The following KIF1A variants were observed in gnomAD, a reference collection of about 807,000 sequenced individuals.
KIF1A encodes kinesin family member 1A.
In KIF1A, 46 loss-of-function variants were observed where a neutral mutation model predicts 227.3. That is an observed-to-expected ratio of 0.20 (90% confidence interval 0.16 to 0.26). The LOEUF (loss-of-function observed/expected upper bound fraction) is 0.26. Among genes scored for constraint, KIF1A ranks in the 10% least tolerant of loss-of-function variants. The pLI is 1.00. For missense variants in KIF1A, 1,683 were observed against 2,485.9 expected (o/e 0.68, Z 6.87); for synonymous variants, 1,022 against 1,012.8 (o/e 1.01, Z -0.17).
At chr2:240,760,205 C>A (rs1485059513) in intron 25 of KIF1A, among the ~76,000 whole-genome samples, 1 of 152,180 alleles carries the variant, frequency 6.6e-6, no homozygotes, top group African/African-American at 2.4e-5. Context: ...AAGGGATCCA[C>A]CTCCCGGCAG....
intron 32 of KIF1A, among the ~76,000 whole-genome samples, chr2:240,744,609 G>C (rs529089241): frequency 6.6e-6 from 1 of 152,326 alleles, no homozygotes; most frequent in East Asian, 1.9e-4. Flanking sequence ...ACGCAGAGGG[G>C]GAGGGCCATG....
chr2:240,776,903 A>G (rs2052803624), intron 10 of KIF1A, among the ~76,000 whole-genome samples: 1 of 152,268 alleles, frequency 6.6e-6, no homozygotes, highest in African/African-American at 2.4e-5. Context: ...AAGGGGGTCC[A>G]GAATACTGCA....
Position 240,745,793 on chromosome 2 carries a change from C to T in KIF1A, c.3319G>A (p.Val1107Ile), listed in dbSNP as rs2048525839. Reference protein sequence around the residue: ...LGNTFTFRVTVLQASSISAEY... With the variant: ...LGNTFTFRVTILQASSISAEY... ...GCAGAGATGCTGGACGCCTGCAGGA[C>T]TGTCACACGGAAGGTGAAGGTGTTG... The change falls in exon 31 of 49, where the codon GTC (valine) becomes ATC (isoleucine). Residue 1107 changes from valine (V) to isoleucine (I), a missense_variant. By Grantham distance (29) the Val-to-Ile change is conservative (BLOSUM62 3). Transcript: ENST00000498729. 4 of 1,613,052 alleles carry T rather than the reference C, an allele frequency of 2.5e-6. No individual in the cohort carries two copies. Among genetic ancestry groups the T allele is most frequent in the South Asian group, 1.1e-5 (1 of 90,902 alleles).
At chr2:240,719,312 C>G in intron 46 of KIF1A, 114 bp from the exon 47 acceptor site, 2 of 1,236,168 alleles carry the variant, frequency 1.6e-6, no homozygotes, top group Non-Finnish European at 2.2e-6. Flanking sequence ...ACCTCCCCAG[C>G]CAGAAAGTGG....
chr2:240,794,245 A>G (rs4676366), intron 2 of KIF1A, among the ~76,000 whole-genome samples: 106,706 of 152,222 alleles, frequency 0.7, 39,074 homozygotes, highest in African/African-American at 0.91. Context: ...GATTTCTGAC[A>G]TAGCTTCCAG....
In KIF1A at chr2:240,757,227, G is replaced by A. The variant is rs999088323; in HGVS notation, c.2858+92C>T. ...CCTCGCCTGCCCTGGGAGGGCCCGG[G>A]CCAGGCCCCAGCGGTTCCTCTGTGC... is the stretch of plus-strand genomic sequence containing the variant. On this transcript the variant is annotated intron_variant, in intron 27 of 48. Coordinates refer to ENST00000498729, the MANE Select transcript of KIF1A (RefSeq NM_001244008.2). This position sits in a 1 kb window ranked among gnomAD's most constrained non-coding sequence, Gnocchi z 6.2. 2.3e-6 allele frequency: 3 copies of A among 1,326,770 alleles called. No homozygotes were observed. Among genetic ancestry groups the A allele is most frequent in the Admixed American group, 2.1e-5 (1 of 47,894 alleles). The allele number at this position is 1,326,770 out of a possible 1,614,324, so 82.2% of individuals were successfully genotyped here. A position where few individuals can be genotyped will look rare whatever the true frequency, so the allele number is the denominator to read the frequency against.
intron 24 of KIF1A, 37 bp from the exon 25 acceptor site, chr2:240,760,880 G>A: frequency 1.3e-6 from 2 of 1,577,914 alleles, no homozygotes; most frequent in Non-Finnish European, 1.7e-6. Flanking sequence ...TCAGCTCCTT[G>A]GGGGACAGGG....
intron 42 of KIF1A, 42 bp downstream of exon 42, chr2:240,723,371 T>C: frequency 2.0e-6 from 3 of 1,501,396 alleles, no homozygotes; most frequent in South Asian, 2.6e-5. Flanking sequence ...CAAAGCCACA[T>C]GGACACCACC....
chr2:240,786,214 A>T, intron 6 of KIF1A, 121 bp downstream of exon 6: 1 of 972,420 alleles, frequency 1.0e-6, no homozygotes, highest in Admixed American at 2.3e-5. Context: ...AGGAGGCCAC[A>T]CCTCCGCGGG....
At chr2:240,787,452 G>A (rs1035303130) in intron 4 of KIF1A, 136 bp from the exon 5 acceptor site, 37 of 741,302 alleles carry the variant, frequency 5.0e-5, no homozygotes, top group East Asian at 7.7e-5. Context: ...CACCACACAC[G>A]TCATGGTAAA....
Position 240,752,172 on chromosome 2 carries a change from C to T in KIF1A, c.2859-1625G>A, listed in dbSNP as rs74002912. ...CAACGCCCCCTCTGAAGATGCCCCCCGAGAAGCGAGTACCCCACACCAATG... is the reference window on the plus strand; with the variant it reads ...CAACGCCCCCTCTGAAGATGCCCCCTGAGAAGCGAGTACCCCACACCAATG... On this transcript the variant is annotated intron_variant, in intron 27 of 48. Transcript: ENST00000498729. The surrounding 1 kb of genome is among the most constrained non-coding windows in gnomAD (Gnocchi z 6.4). 9.0e-3 allele frequency among the ~76,000 whole-genome samples: 1,362 copies of T among 152,156 alleles called. 24 individuals are homozygous for T. The highest frequency in any genetic ancestry group is 0.031 in the African/African-American group (1,300 of 41,508).
intron 38 of KIF1A, among the ~76,000 whole-genome samples, chr2:240,732,821 G>A (rs1429575451): frequency 1.6e-5 from 2 of 124,818 alleles, no homozygotes; most frequent in East Asian, 2.8e-4. Flanking sequence ...GGGACGAGAC[G>A]ATGAGGGGGA....
In KIF1A at chr2:240,780,810, ACACACACACACACACAGCTC is replaced by A. The variant is rs1559522466; in HGVS notation, c.882+1760_882+1779del. Reference sequence around the variant, plus strand: ...CACACACACAGCTCCACACACACACACACACACACACACACAGCTCCACACACACACACAGCTCCACACAC... The same window carrying A: ...CACACACACAGCTCCACACACACACACACACACACACACAGCTCCACACAC... On this transcript the variant is annotated intron_variant, in intron 10 of 48. Coordinates refer to ENST00000498729, the MANE Select transcript of KIF1A (RefSeq NM_001244008.2). Among the ~76,000 whole-genome samples, 117 of 90,232 alleles carry A rather than the reference ACACACACACACACACAGCTC, an allele frequency of 1.3e-3. 1 individual carries two copies. Among genetic ancestry groups the A allele is most frequent in the Middle Eastern group, 5.7e-3 (1 of 174 alleles). The allele number at this position is 90,232 out of a possible 152,430, so 59.2% of individuals were successfully genotyped here. A position where few individuals can be genotyped will look rare whatever the true frequency, so the allele number is the denominator to read the frequency against.
Position 240,713,771 on chromosome 2 carries a change from TTGAG to T in KIF1A, c.*3589_*3592del, listed in dbSNP as rs1387244354. 1 of 152,786 alleles carries T rather than the reference TTGAG, an allele frequency of 6.5e-6. No individual in the cohort carries two copies. The highest frequency in any genetic ancestry group is 1.5e-5 in the Non-Finnish European group (1 of 68,078). The allele number at this position is 152,786 out of a possible 1,614,324, so 9.5% of individuals were successfully genotyped here. On this transcript the variant is annotated 3_prime_UTR_variant, in exon 49 of 49. Coordinates refer to ENST00000498729, the MANE Select transcript of KIF1A (RefSeq NM_001244008.2). The stretch of plus-strand genomic sequence containing the variant: ...CCACAGCAGAGCCCATGGGACTGTG[TTGAG>T]TAAGAGCCACATTTATTTCTTAATT...
At chr2:240,750,705 C>T (rs377184823) in intron 27 of KIF1A, among the ~76,000 whole-genome samples, 158 bp from the exon 28 acceptor site, 19 of 152,220 alleles carry the variant, frequency 1.2e-4, no homozygotes, top group African/African-American at 3.6e-4. Flanking sequence ...CAAGAGCGGG[C>T]GGGGACAGGC....
rs756743128 is a variant in KIF1A, at chr2:240,714,568, G to A, written c.*2796C>T. ...CTTAGCAGGAAGCAGCAGCCACCCTGGGCCTGGCTGTCTCCCAAGCACCGC... is the reference window on the plus strand; with the variant it reads ...CTTAGCAGGAAGCAGCAGCCACCCTAGGCCTGGCTGTCTCCCAAGCACCGC... On this transcript the variant is annotated 3_prime_UTR_variant, in exon 49 of 49. Coordinates refer to ENST00000498729, the MANE Select transcript of KIF1A (RefSeq NM_001244008.2). The A allele has an allele frequency of 2.0e-5, 3 of 152,456 alleles. No homozygotes were observed. Among genetic ancestry groups the A allele is most frequent in the Non-Finnish European group, 2.9e-5 (2 of 68,210 alleles). 9.4% of individuals were successfully genotyped at this position (152,456 alleles called of 1,614,324 possible).
intron 10 of KIF1A, among the ~76,000 whole-genome samples, chr2:240,781,464 CA>C (rs2053985774): frequency 4.2e-5 from 1 of 23,608 alleles, no homozygotes; most frequent in African/African-American, 5.3e-4. Context: ...CACACAGCTC[CA>C]CACACACACA....
intron 21 of KIF1A, 23 bp from the exon 22 acceptor site, chr2:240,763,114 G>C: frequency 6.3e-7 from 1 of 1,598,866 alleles, no homozygotes; most frequent in Non-Finnish European, 8.5e-7. Flanking sequence ...ATTGGGGTGA[G>C]CACGGGAGGG....
chr2:240,796,000 G>A (rs535611762), intron 2 of KIF1A, among the ~76,000 whole-genome samples: 3 of 152,194 alleles, frequency 2.0e-5, no homozygotes, highest in African/African-American at 4.8e-5. Context: ...TTGTGCTGCC[G>A]GCACCCAGTG....
Sources: allele counts gnomAD v4.1 joint callset (sites outside exome capture counted in the v4.1 genomes callset), GRCh38; gene constraint gnomAD v4.1.1; non-coding constraint Gnocchi (gnomAD v3.1); transcripts MANE v1.5; gene names NCBI Gene and HGNC (gene_info 2026-07-23, HGNC 2026-07-21).